DLGAP2: variants seen among roughly 807,000 people sequenced by gnomAD.
DLGAP2 encodes disks large-associated protein 2.
In DLGAP2, 26 loss-of-function variants were observed where a neutral mutation model predicts 100.3. The observed-to-expected ratio is 0.26, with a 90% confidence interval of 0.19 to 0.36. The LOEUF (loss-of-function observed/expected upper bound fraction) is 0.36. Ranked by LOEUF, DLGAP2 falls within the 10% of genes least tolerant of loss-of-function variation. DLGAP2 has a pLI of 1.00. For synonymous variants in DLGAP2, 886 were observed against 630.1 expected (o/e 1.41, Z -6.08); for missense variants, 1,858 against 1,453.2 (o/e 1.28, Z -4.53).
intron 1 of DLGAP2, among the ~76,000 whole-genome samples, chr8:811,571 C>T (rs1429217097): frequency 2.0e-5 from 3 of 148,780 alleles, no homozygotes; most frequent in Non-Finnish European, 4.5e-5. Flanking sequence ...ATCTGGGGGC[C>T]CTGCCAGGGC....
chr8:915,226 C>G (rs1417030125), intron 2 of DLGAP2, among the ~76,000 whole-genome samples: 2 of 152,270 alleles, frequency 1.3e-5, no homozygotes, highest in East Asian at 1.9e-4. Flanking sequence ...TGGCGTTGCC[C>G]TCCCTTGGGA....
At chr8:1,058,730 T>TA (rs1725466106) in intron 2 of DLGAP2, among the ~76,000 whole-genome samples, 1 of 152,204 alleles carries the variant, frequency 6.6e-6, no homozygotes, top group South Asian at 2.1e-4. Context: ...AGATTGGCCT[T>TA]ATATTATATG....
chr8:1,205,549 C>T (rs141702360), intron 2 of DLGAP2, among the ~76,000 whole-genome samples: 6 of 152,310 alleles, frequency 3.9e-5, no homozygotes, highest in African/African-American at 1.4e-4. Flanking sequence ...GGCGTCTGCT[C>T]TTAGGAAGCA....
At chr8:859,135 GGA>G (rs1398886918) in intron 1 of DLGAP2, among the ~76,000 whole-genome samples, 3 of 147,158 alleles carry the variant, frequency 2.0e-5, no homozygotes, top group Non-Finnish European at 4.5e-5. Context: ...TTTTTGAGAT[GGA>G]GTCTCGCTCT....
intron 3 of DLGAP2, among the ~76,000 whole-genome samples, chr8:1,339,661 G>A (rs1286763395): frequency 6.6e-6 from 1 of 152,074 alleles, no homozygotes; most frequent in Non-Finnish European, 1.5e-5. Context: ...GCATTCTTTT[G>A]GCCATTGTGA....
chr8:1,330,144 G>T (rs1413025021), intron 3 of DLGAP2, among the ~76,000 whole-genome samples: 1 of 152,208 alleles, frequency 6.6e-6, no homozygotes, highest in African/African-American at 2.4e-5. Context: ...GGAGTGAGGA[G>T]GTGGTGGCAG....
chr8:1,683,964 A>ATGTGTG (rs1386036826), intron 12 of DLGAP2, among the ~76,000 whole-genome samples: 1 of 108,624 alleles, frequency 9.2e-6, no homozygotes, highest in East Asian at 3.0e-4. Flanking sequence ...GTATATATAT[A>ATGTGTG]TATATATATA....
At chr8:933,225 G>A (rs1025229166) in intron 2 of DLGAP2, among the ~76,000 whole-genome samples, 3 of 152,250 alleles carry the variant, frequency 2.0e-5, no homozygotes, top group Non-Finnish European at 4.4e-5. Flanking sequence ...TGCCACATCT[G>A]CTGCTTCCTT....
At chr8:1,098,498 G>A (rs574163183) in intron 2 of DLGAP2, among the ~76,000 whole-genome samples, 6 of 152,270 alleles carry the variant, frequency 3.9e-5, no homozygotes, top group Non-Finnish European at 8.8e-5. Context: ...GAGCAGCTGG[G>A]AATGCAGCCA....
At chr8:1,294,975 T>G (rs1451433244) in intron 3 of DLGAP2, among the ~76,000 whole-genome samples, 1 of 152,162 alleles carries the variant, frequency 6.6e-6, no homozygotes, top group Non-Finnish European at 1.5e-5. Context: ...TACAAGATAT[T>G]TAAACTTCAC....
rs1585240521 is a variant in DLGAP2, at chr8:1,303,453, C to T, written c.106+44570C>T. ...GGAAGGAGAAGAGGAGTGTTTTCCT[C>T]CAAGATTTCCCATGGGTGGGAAGGA... is the stretch of plus-strand genomic sequence containing the variant. On this transcript the variant is annotated intron_variant, in intron 3 of 14. Transcript: ENST00000637795. Among the ~76,000 whole-genome samples the T allele has an allele frequency of 1.3e-5, 2 of 151,454 alleles. 1 individual carries two copies.
intron 2 of DLGAP2, among the ~76,000 whole-genome samples, chr8:947,609 C>T (rs931672431): frequency 6.6e-5 from 10 of 152,192 alleles, no homozygotes; most frequent in Admixed American, 2.6e-4. Flanking sequence ...GCCCAGGCCC[C>T]GCTGGCTTCA....
At chr8:1,530,697 A>G (rs1251566072) in intron 4 of DLGAP2, among the ~76,000 whole-genome samples, 2 of 152,252 alleles carry the variant, frequency 1.3e-5, no homozygotes, top group Non-Finnish European at 2.9e-5. Context: ...TGGGGAACTA[A>G]TAAATGTCCA....
intron 3 of DLGAP2, among the ~76,000 whole-genome samples, chr8:1,269,081 C>G (rs1462635382): frequency 2.6e-5 from 4 of 152,138 alleles, no homozygotes; most frequent in African/African-American, 4.8e-5. Context: ...TTCATCAAGT[C>G]TAAATATTCT....
At chr8:1,668,874 A>T (rs1425078066) in intron 9 of DLGAP2, among the ~76,000 whole-genome samples, 196 bp downstream of exon 9, 1 of 152,140 alleles carries the variant, frequency 6.6e-6, no homozygotes, top group Non-Finnish European at 1.5e-5. Context: ...GAGACCCCCG[A>T]GGTGATGCGG....
chr8:894,595 G>T (rs1377814295), intron 1 of DLGAP2, among the ~76,000 whole-genome samples: 7 of 140,818 alleles, frequency 5.0e-5, no homozygotes, highest in Non-Finnish European at 9.2e-5. Flanking sequence ...CGGAGCAGGG[G>T]TGTGGTGGGG....
At chr8:1,621,599 G>A (rs17749066) in intron 6 of DLGAP2, 6,694 of 152,150 alleles carry the variant, frequency 0.044, 181 homozygotes, top group South Asian at 0.067. Flanking sequence ...GGAGAAGGCC[G>A]GACTCTGCTC....
intron 4 of DLGAP2, among the ~76,000 whole-genome samples, chr8:1,507,254 G>C (rs997281296): frequency 2.0e-5 from 3 of 152,238 alleles, no homozygotes; most frequent in African/African-American, 7.2e-5. Context: ...CCCACCGCGA[G>C]GGGGAGGCTC....
intron 3 of DLGAP2, among the ~76,000 whole-genome samples, chr8:1,364,625 G>A (rs572446967): frequency 6.4e-4 from 97 of 152,356 alleles, no homozygotes; most frequent in Non-Finnish European, 8.8e-4. Flanking sequence ...CAGTGGTTCT[G>A]TCAGTGACAC....
Sources: allele counts gnomAD v4.1 joint callset (sites outside exome capture counted in the v4.1 genomes callset), GRCh38; gene constraint gnomAD v4.1.1; transcripts MANE v1.5; gene names NCBI Gene and HGNC (gene_info 2026-07-23, HGNC 2026-07-21).